MAGI1: variants seen among roughly 807,000 people sequenced by gnomAD.
MAGI1 encodes the protein membrane-associated guanylate kinase, WW and PDZ domain-containing protein 1.
A neutral mutation model predicts 139.9 loss-of-function variants in MAGI1; 58 were observed. The ratio of observed to expected loss-of-function variants is 0.41; its 90% CI spans 0.34 to 0.52. The LOEUF is 0.52. MAGI1 is among the 20% of genes least tolerant of loss of function. MAGI1 has a pLI of 0.12. For missense variants in MAGI1, 1,874 were observed against 1,901.6 expected (o/e 0.99, Z 0.27); for synonymous variants, 812 against 737.9 (o/e 1.10, Z -1.63).
intron 2 of MAGI1, among the ~76,000 whole-genome samples, chr3:65,603,839 C>G (rs1277813451): frequency 6.6e-6 from 1 of 152,122 alleles, no homozygotes; most frequent in East Asian, 1.9e-4. Context: ...GTTACAGCAT[C>G]CCCCAGAAGG....
In MAGI1 at chr3:65,364,538, T is replaced by C. The variant is rs1466966035; in HGVS notation, c.3351+127A>G. 3.9e-6 allele frequency: 3 copies of C among 774,868 alleles called. No individual in the cohort carries two copies. The South Asian group carries it at 4.9e-5, about 13-fold the overall frequency. The allele number at this position is 774,868 out of a possible 1,614,324, so 48.0% of individuals were successfully genotyped here. On this transcript the variant is annotated intron_variant, in intron 20 of 22. Coordinates refer to ENST00000402939, the MANE Select transcript of MAGI1 (RefSeq NM_001033057.2). ...CAATCAAATGTAAGTATACGTTTGG[T>C]AAATCACCTCACAAAAGGTTATTTC...
intron 22 of MAGI1, chr3:65,359,479 G>A: frequency 2.8e-6 from 3 of 1,076,050 alleles, no homozygotes; most frequent in Non-Finnish European, 3.4e-6. Context: ...GCATAGGAGA[G>A]CATTAACAAT....
At chr3:65,791,059 A>G (rs2039732612) in intron 1 of MAGI1, among the ~76,000 whole-genome samples, 2 of 152,174 alleles carry the variant, frequency 1.3e-5, no homozygotes, top group African/African-American at 4.8e-5. Context: ...TGGGCAACAA[A>G]GCAAGACTCC....
intron 1 of MAGI1, among the ~76,000 whole-genome samples, chr3:65,720,808 G>A (rs1018830355): frequency 1.3e-5 from 2 of 151,872 alleles, no homozygotes; most frequent in African/African-American, 4.8e-5. Flanking sequence ...GGAGTGTAGT[G>A]GTACAATCTC....
At chr3:65,894,839 G>A (rs1045732794) in intron 1 of MAGI1, among the ~76,000 whole-genome samples, 1 of 152,202 alleles carries the variant, frequency 6.6e-6, no homozygotes, top group Admixed American at 6.5e-5. Flanking sequence ...CTTCTGGCAT[G>A]GGAAATTTCA....
chr3:65,819,329 T>C (rs1056962885), intron 1 of MAGI1, among the ~76,000 whole-genome samples: 2 of 152,126 alleles, frequency 1.3e-5, no homozygotes, highest in Non-Finnish European at 2.9e-5. Context: ...AAACAAGGCA[T>C]ATGATCTCCC....
chr3:65,972,346 G>A (rs2065052891), intron 1 of MAGI1, among the ~76,000 whole-genome samples: 1 of 152,190 alleles, frequency 6.6e-6, no homozygotes, highest in Non-Finnish European at 1.5e-5. Context: ...AAATTTTGCT[G>A]GTTAATTGAC....
At chr3:65,743,565 C>T (rs1171434168) in intron 1 of MAGI1, among the ~76,000 whole-genome samples, 7 of 151,994 alleles carry the variant, frequency 4.6e-5, no homozygotes, top group Non-Finnish European at 7.4e-5. Flanking sequence ...AAAAATTAGC[C>T]GGGCGTGGTG....
intron 2 of MAGI1, among the ~76,000 whole-genome samples, chr3:65,530,757 G>GTA (rs746807479): frequency 0.019 from 365 of 19,306 alleles, 20 homozygotes; most frequent in Middle Eastern, 0.05. Flanking sequence ...ATATATACAC[G>GTA]TATATATATA....
intron 1 of MAGI1, among the ~76,000 whole-genome samples, chr3:66,034,214 G>A (rs1411089705): frequency 6.6e-6 from 1 of 151,124 alleles, no homozygotes; most frequent in Non-Finnish European, 1.5e-5. Flanking sequence ...TGGGGCCCAG[G>A]AATCTGGATT....
chr3:65,739,623 C>T (rs2035087650), intron 1 of MAGI1, among the ~76,000 whole-genome samples: 1 of 152,146 alleles, frequency 6.6e-6, no homozygotes, highest in South Asian at 2.1e-4. Context: ...CTCTTCCTTT[C>T]TCTCAAACAC....
intron 1 of MAGI1, among the ~76,000 whole-genome samples, chr3:65,795,079 A>T (rs1033825769): frequency 1.3e-5 from 2 of 152,180 alleles, no homozygotes; most frequent in Non-Finnish European, 2.9e-5. Flanking sequence ...CACGGAAAAC[A>T]GTTTGACACT....
intron 1 of MAGI1, among the ~76,000 whole-genome samples, chr3:65,856,733 G>A (rs1404350640): frequency 6.6e-6 from 1 of 152,162 alleles, no homozygotes; most frequent in Non-Finnish European, 1.5e-5. Context: ...CCATACTGAT[G>A]CCTGGGACAC....
At chr3:65,417,733 CA>C (rs1410067724) in intron 12 of MAGI1, among the ~76,000 whole-genome samples, 1 of 151,890 alleles carries the variant, frequency 6.6e-6, no homozygotes, top group African/African-American at 2.4e-5. Context: ...ACACAATGGG[CA>C]AGAGTAAGGA....
chr3:65,800,233 T>G (rs1240934192), intron 1 of MAGI1, among the ~76,000 whole-genome samples: 1 of 152,214 alleles, frequency 6.6e-6, no homozygotes, highest in Non-Finnish European at 1.5e-5. Context: ...CTAATCCTGA[T>G]CATCAGCTTC....
intron 2 of MAGI1, among the ~76,000 whole-genome samples, chr3:65,605,794 T>C (rs972151339): frequency 6.6e-6 from 1 of 152,178 alleles, no homozygotes. Context: ...ATAGGAAACA[T>C]ATCTCAATTG....
Position 65,573,723 on chromosome 3 carries a change from A to G in MAGI1, c.430+48249T>C, listed in dbSNP as rs145368492. ...CCTTTTCTGTCTAACACTTTACTAG[A>G]GGCTATAGCCAGTGCAATAAAGCAA... On this transcript the variant is annotated intron_variant, in intron 2 of 22. Coordinates refer to ENST00000402939, the MANE Select transcript of MAGI1 (RefSeq NM_001033057.2). 2.7e-3 allele frequency among the ~76,000 whole-genome samples: 418 copies of G among 152,288 alleles called. 4 individuals carry two copies. Among genetic ancestry groups the G allele is most frequent in the Admixed American group, 0.022 (341 of 15,284 alleles).
intron 2 of MAGI1, among the ~76,000 whole-genome samples, chr3:65,571,481 A>T (rs1207856807): frequency 2.6e-5 from 4 of 152,120 alleles, no homozygotes; most frequent in African/African-American, 9.7e-5. Flanking sequence ...ATTTCAGAAG[A>T]CTAACAAGTC....
At chr3:65,999,905 T>C (rs568205501) in intron 1 of MAGI1, among the ~76,000 whole-genome samples, 34 of 151,694 alleles carry the variant, frequency 2.2e-4, no homozygotes, top group African/African-American at 7.3e-4. Flanking sequence ...CTTGACATTT[T>C]AGTTAAACTA....
Sources: allele counts gnomAD v4.1 joint callset (sites outside exome capture counted in the v4.1 genomes callset), GRCh38; gene constraint gnomAD v4.1.1; transcripts MANE v1.5; gene names NCBI Gene and HGNC (gene_info 2026-07-23, HGNC 2026-07-21).